FBP1: variants seen among roughly 807,000 people sequenced by gnomAD.
The protein encoded by FBP1 is fructose-1,6-bisphosphatase 1.
FBP1 carries 22 observed loss-of-function variants against 29.9 expected under a neutral mutation model. The observed-to-expected ratio is 0.74, with a 90% confidence interval of 0.53 to 1.05. The LOEUF is 1.05. Ranked by LOEUF, FBP1 falls within the 50% of genes least tolerant of loss-of-function variation. The probability of loss-of-function intolerance (pLI) is 0.00; values close to 1 mark genes in which losing one functional copy is unlikely to be tolerated. For missense variants in FBP1, 345 were observed against 448.2 expected, an observed-to-expected ratio of 0.77 and a Z score of 2.08; for synonymous variants, 175 against 178.6, an observed-to-expected ratio of 0.98 and a Z score of 0.16.
intron 3 of FBP1, among the ~76,000 whole-genome samples, chr9:94,611,884 A>G (rs1329497578): frequency 6.6e-6 from 1 of 152,172 alleles, no homozygotes; most frequent in Admixed American, 6.5e-5. Flanking sequence ...CAAGTGTAAG[A>G]ACTTCACATT....
chr9:94,624,064 G>A (rs1221751628), intron 1 of FBP1, among the ~76,000 whole-genome samples: 2 of 152,266 alleles, frequency 1.3e-5, no homozygotes, highest in African/African-American at 2.4e-5. Flanking sequence ...GGCCGGGCAC[G>A]GTGGCTCATG....
At chr9:94,621,398 A>AAAAAATAT (rs58726402) in intron 1 of FBP1, among the ~76,000 whole-genome samples, 17 of 146,140 alleles carry the variant, frequency 1.2e-4, no homozygotes, top group Non-Finnish European at 1.6e-4. Context: ...TCCGTCTAAA[A>AAAAAATAT]ATATATATAT....
chr9:94,632,856 G>GA (rs1828124381), intron 1 of FBP1, among the ~76,000 whole-genome samples: 1 of 152,312 alleles, frequency 6.6e-6, no homozygotes, highest in Admixed American at 6.5e-5. Flanking sequence ...GCAGGGCCAG[G>GA]AATCTAAGCT....
intron 1 of FBP1, 34 bp from the exon 2 acceptor site, chr9:94,620,525 T>C (rs772356416): frequency 1.2e-6 from 2 of 1,609,578 alleles, no homozygotes; most frequent in African/African-American, 1.3e-5. Flanking sequence ...AAATAAGCCA[T>C]GACCACCAGA....
chr9:94,605,584 T>TA lies in FBP1; in HGVS notation c.706-9_706-8insT. On this transcript the variant is annotated splice_polypyrimidine_tract_variant and intron_variant, in intron 5 of 6. Coordinates refer to ENST00000375326, the MANE Select transcript of FBP1 (RefSeq NM_000507.4). ...ATAAGGAGCTGAATTATCCTGCAAGTTAAGACCAGCAAGAATTAGGATTGC... is the reference window on the plus strand; with the variant it reads ...ATAAGGAGCTGAATTATCCTGCAAGTATAAGACCAGCAAGAATTAGGATTGC... 1 of 1,613,698 alleles carries TA rather than the reference T, an allele frequency of 6.2e-7. No homozygotes were observed. The highest frequency in any genetic ancestry group is 2.2e-5 in the East Asian group (1 of 44,856).
At chr9:94,611,398 A>G (rs963657021) in intron 3 of FBP1, among the ~76,000 whole-genome samples, 2 of 152,162 alleles carry the variant, frequency 1.3e-5, no homozygotes, top group Non-Finnish European at 2.9e-5. Context: ...TTCTTCCCAT[A>G]ACTTTCAAAA....
At chr9:94,631,745 G>C (rs1247772943) in intron 1 of FBP1, among the ~76,000 whole-genome samples, 2 of 152,186 alleles carry the variant, frequency 1.3e-5, no homozygotes, top group African/African-American at 2.4e-5. Context: ...AACCAAAAGG[G>C]AGGGAGATTA....
chr9:94,634,867 C>T (rs1008702187), intron 1 of FBP1, among the ~76,000 whole-genome samples: 1 of 152,050 alleles, frequency 6.6e-6, no homozygotes, highest in African/African-American at 2.4e-5. Flanking sequence ...GAGGCCGAGG[C>T]AGGTGGATCA....
chr9:94,634,223 G>A (rs1335235113), intron 1 of FBP1, among the ~76,000 whole-genome samples: 2 of 151,176 alleles, frequency 1.3e-5, no homozygotes, highest in Non-Finnish European at 3.0e-5. Context: ...GAACCCGGGA[G>A]GCGGAGGTTG....
chr9:94,609,124 A>C (rs1274407700), intron 4 of FBP1, among the ~76,000 whole-genome samples: 1 of 151,740 alleles, frequency 6.6e-6, no homozygotes, highest in African/African-American at 2.4e-5. Context: ...AGGAGGCAGA[A>C]CTTGCAGTGA....
Position 94,603,563 on chromosome 9 carries a change from G to A in FBP1, c.835C>T (p.Leu279=), listed in dbSNP as rs760291471. The change falls in exon 7 of 7, where the codon CTG becomes TTG. Residue 279 remains leucine, a synonymous_variant. Coordinates refer to ENST00000375326, the MANE Select transcript of FBP1 (RefSeq NM_000507.4). The part of the protein sequence containing the change: ...KKSPNGKLRL[L]YECNPMAYVM... ...TAGGCCATGGGGTTGCATTCGTACA[G>A]CAGTCTCAGCTGGAAAACAAGACCG... The A allele has an allele frequency of 1.2e-6, 2 of 1,614,108 alleles. No individual in the cohort carries two copies. Among genetic ancestry groups the A allele is most frequent in the East Asian group, 4.5e-5 (2 of 44,884 alleles).
At chr9:94,613,750 G>A (rs1196883793) in intron 3 of FBP1, among the ~76,000 whole-genome samples, 1 of 148,946 alleles carries the variant, frequency 6.7e-6, no homozygotes, top group Middle Eastern at 3.3e-3. Flanking sequence ...GGGCGACAGA[G>A]TGAGACCTTG....
chr9:94,617,018 C>A (rs1396449105), intron 3 of FBP1, among the ~76,000 whole-genome samples: 2 of 152,096 alleles, frequency 1.3e-5, no homozygotes, highest in African/African-American at 4.8e-5. Flanking sequence ...CCGAGCAGGG[C>A]TGGATTCTCA....
At chr9:94,616,305 T>TA (rs35289872) in intron 3 of FBP1, among the ~76,000 whole-genome samples, 4 of 152,056 alleles carry the variant, frequency 2.6e-5, no homozygotes, top group Admixed American at 6.5e-5. Flanking sequence ...GGATGAGGGA[T>TA]AAAAAAACTG....
At chr9:94,608,367 A>T (rs1827732531) in intron 4 of FBP1, among the ~76,000 whole-genome samples, 2 of 152,212 alleles carry the variant, frequency 1.3e-5, no homozygotes, top group African/African-American at 2.4e-5. Flanking sequence ...AGGACTGAGG[A>T]GGGCAAAAGA....
chr9:94,615,618 C>T (rs1310278673), intron 3 of FBP1, among the ~76,000 whole-genome samples: 3 of 152,148 alleles, frequency 2.0e-5, no homozygotes, highest in Non-Finnish European at 2.9e-5. Context: ...TGCCTTTTTG[C>T]CTTTCTAGTA....
At chr9:94,605,730 T>C (rs1217730691) in intron 5 of FBP1, among the ~76,000 whole-genome samples, 154 bp from the exon 6 acceptor site, 2 of 152,164 alleles carry the variant, frequency 1.3e-5, no homozygotes, top group African/African-American at 2.4e-5. Flanking sequence ...GAGAATCCTG[T>C]TCCCAATAAA....
chr9:94,608,363 G>T (rs1351287197), intron 4 of FBP1, among the ~76,000 whole-genome samples: 1 of 152,214 alleles, frequency 6.6e-6, no homozygotes, highest in Non-Finnish European at 1.5e-5. Context: ...ATTCAGGACT[G>T]AGGAGGGCAA....
At chr9:94,622,766 G>C (rs1251297843) in intron 1 of FBP1, among the ~76,000 whole-genome samples, 1 of 152,084 alleles carries the variant, frequency 6.6e-6, no homozygotes, top group Non-Finnish European at 1.5e-5. Context: ...CATGTCCCTG[G>C]GCTTTCGATC....
Sources: allele counts gnomAD v4.1 joint callset (sites outside exome capture counted in the v4.1 genomes callset), GRCh38; gene constraint gnomAD v4.1.1; transcripts MANE v1.5; gene names NCBI Gene and HGNC (gene_info 2026-07-23, HGNC 2026-07-21).